Variants in GOLM1 observed in about 807,000 individuals in gnomAD.
The protein encoded by GOLM1 is epididymis luminal protein 46.
A neutral mutation model predicts 50.5 loss-of-function variants in GOLM1; 31 were observed. That is an observed-to-expected ratio of 0.61 (90% confidence interval 0.46 to 0.83). The LOEUF is 0.83. GOLM1 is among the 40% of genes least tolerant of loss of function. GOLM1 has a pLI of 0.00. For synonymous variants in GOLM1, 178 were observed against 192.8 expected (o/e 0.92, Z 0.64); for missense variants, 491 against 501.3 (o/e 0.98, Z 0.20).
intron 4 of GOLM1, among the ~76,000 whole-genome samples, chr9:86,051,244 G>T (rs180883500): frequency 0.018 from 2,725 of 151,860 alleles, 34 homozygotes; most frequent in Non-Finnish European, 0.028. Flanking sequence ...TGTTATAATT[G>T]CTGTTCTTTT....
intron 5 of GOLM1, among the ~76,000 whole-genome samples, chr9:86,042,003 G>A (rs1450624112): frequency 6.6e-6 from 1 of 152,202 alleles, no homozygotes; most frequent in Non-Finnish European, 1.5e-5. Context: ...TGTAGTCCCA[G>A]CTACTCGGGA....
At chr9:86,061,541 A>C (rs190586875) in intron 3 of GOLM1, among the ~76,000 whole-genome samples, 6 of 152,342 alleles carry the variant, frequency 3.9e-5, no homozygotes, top group Admixed American at 3.3e-4. Context: ...CAGAGGGAAG[A>C]CCGGGATGGG....
At chr9:86,079,420 A>C in intron 1 of GOLM1, 79 bp from the exon 2 acceptor site, 5 of 1,174,328 alleles carry the variant, frequency 4.3e-6, no homozygotes, top group Non-Finnish European at 4.8e-6. Flanking sequence ...CCTTACAACC[A>C]AGAGGAAAGG....
At chr9:86,087,134 G>A (rs1835000350) in intron 1 of GOLM1, among the ~76,000 whole-genome samples, 1 of 152,176 alleles carries the variant, frequency 6.6e-6, no homozygotes, top group African/African-American at 2.4e-5. Context: ...TCCTTGAACA[G>A]TGGTTTGTAG....
chr9:86,027,116 A>C lies in GOLM1; in HGVS notation c.*701T>G, dbSNP rs1459174621. On this transcript the variant is annotated 3_prime_UTR_variant, in exon 10 of 10. Coordinates refer to ENST00000388712, the MANE Select transcript of GOLM1 (RefSeq NM_016548.4). ...ATGTTGCTTTGCCCACACACGAAGC[A>C]AAGTAAATAAAGACCACAAATGTTC... is the stretch of plus-strand genomic sequence containing the variant. The C allele has an allele frequency of 1.0e-6, 1 of 984,438 alleles. No individual in the cohort carries two copies. The highest frequency in any genetic ancestry group is 1.2e-4 in the East Asian group (1 of 8,070). 61.0% of individuals were successfully genotyped at this position (984,438 alleles called of 1,614,324 possible). A position where few individuals can be genotyped will look rare whatever the true frequency, so the allele number is the denominator to read the frequency against.
intron 1 of GOLM1, among the ~76,000 whole-genome samples, chr9:86,089,394 A>G (rs558325346): frequency 2.0e-5 from 3 of 152,300 alleles, no homozygotes; most frequent in East Asian, 1.9e-4. Flanking sequence ...AGGTACACCA[A>G]TCAAACATAG....
intron 3 of GOLM1, among the ~76,000 whole-genome samples, chr9:86,063,237 G>A (rs1011406480): frequency 6.6e-6 from 1 of 152,222 alleles, no homozygotes; most frequent in African/African-American, 2.4e-5. Flanking sequence ...TCGTTCCCTG[G>A]CTGTTCTTTA....
intron 4 of GOLM1, among the ~76,000 whole-genome samples, chr9:86,046,908 G>A (rs1176426922): frequency 6.8e-6 from 1 of 147,274 alleles, no homozygotes; most frequent in African/African-American, 2.5e-5. Flanking sequence ...CATAAGCCCC[G>A]AGCTGTCCCC....
In GOLM1 at chr9:86,076,819, T is replaced by C. The variant is rs547564185; in HGVS notation, c.309+593A>G. On this transcript the variant is annotated intron_variant, in intron 3 of 9. Coordinates refer to ENST00000388712, the MANE Select transcript of GOLM1 (RefSeq NM_016548.4). ...GGCAGAGTGAGCCAAGATTGCACCA[T>C]TGCACTCCAGCCTGGGCGACAGAGC... is the stretch of plus-strand genomic sequence containing the variant. 1.1e-4 allele frequency among the ~76,000 whole-genome samples: 16 copies of C among 151,360 alleles called. No individual in the cohort carries two copies. In the East Asian group the frequency reaches 2.7e-3, roughly 26 times the overall value.
chr9:86,099,268 G>A (rs1187455047), intron 1 of GOLM1, 143 bp downstream of exon 1: 1 of 152,380 alleles, frequency 6.6e-6, no homozygotes, highest in Admixed American at 6.5e-5. Context: ...AGCCAGCGAA[G>A]GTTGCAGCCC....
intron 1 of GOLM1, among the ~76,000 whole-genome samples, chr9:86,088,261 T>A (rs1274943569): frequency 7.9e-5 from 12 of 151,844 alleles, no homozygotes; most frequent in African/African-American, 2.9e-4. Flanking sequence ...TTTTAGTTTG[T>A]ATTTCTGTGG....
intron 1 of GOLM1, among the ~76,000 whole-genome samples, chr9:86,081,224 T>G (rs1201797051): frequency 2.0e-5 from 3 of 149,728 alleles, no homozygotes; most frequent in Non-Finnish European, 4.5e-5. Context: ...GAGACGGAGT[T>G]TCGCTCTTGT....
At chr9:86,095,667 G>A (rs185367019) in intron 1 of GOLM1, among the ~76,000 whole-genome samples, 271 of 152,250 alleles carry the variant, frequency 1.8e-3, no homozygotes, top group Non-Finnish European at 2.0e-3. Flanking sequence ...TTATGCGCGC[G>A]TGGGAAAGAC....
chr9:86,089,082 AG>A (rs1835090422), intron 1 of GOLM1, among the ~76,000 whole-genome samples: 2 of 152,174 alleles, frequency 1.3e-5, no homozygotes, highest in Non-Finnish European at 2.9e-5. Context: ...GTTGAATATT[AG>A]CCCCCATTCT....
chr9:86,032,927 T>C (rs1326779814), intron 9 of GOLM1, among the ~76,000 whole-genome samples: 1 of 152,246 alleles, frequency 6.6e-6, no homozygotes, highest in Admixed American at 6.5e-5. Flanking sequence ...GGAAGCTCTA[T>C]GCACATACTG....
chr9:86,092,190 C>A (rs144689008), intron 1 of GOLM1, among the ~76,000 whole-genome samples: 134 of 152,308 alleles, frequency 8.8e-4, no homozygotes, highest in African/African-American at 2.9e-3. Flanking sequence ...GAGTGAGAAG[C>A]GCTTAGAGCT....
chr9:86,031,457 T>TG (rs1286514702), intron 9 of GOLM1, among the ~76,000 whole-genome samples: 1 of 142,264 alleles, frequency 7.0e-6, no homozygotes, highest in Non-Finnish European at 1.5e-5. Flanking sequence ...AGGTTTTTTT[T>TG]TTTTTTTTTT....
At chr9:86,055,870 C>T (rs546486258) in intron 3 of GOLM1, among the ~76,000 whole-genome samples, 3 of 152,142 alleles carry the variant, frequency 2.0e-5, no homozygotes, top group Admixed American at 6.6e-5. Context: ...TGCACAACAG[C>T]GTGAATATCC....
intron 3 of GOLM1, 119 bp from the exon 4 acceptor site, chr9:86,052,710 G>T: frequency 1.2e-6 from 1 of 819,014 alleles, no homozygotes; most frequent in Non-Finnish European, 2.1e-6. Context: ...CAGGGAAGGA[G>T]CTCGCACTCA....
Sources: allele counts gnomAD v4.1 joint callset (sites outside exome capture counted in the v4.1 genomes callset), GRCh38; gene constraint gnomAD v4.1.1; transcripts MANE v1.5; gene names NCBI Gene and HGNC (gene_info 2026-07-23, HGNC 2026-07-21).